Variants in PSD3 observed in about 807,000 individuals in gnomAD.
The protein encoded by PSD3 is PH and SEC7 domain-containing protein 3.
PSD3 carries 49 observed loss-of-function variants against 105.5 expected under a neutral mutation model. The ratio of observed to expected loss-of-function variants is 0.46; its 90% CI spans 0.37 to 0.59. The LOEUF is 0.59. Ranked by LOEUF, PSD3 falls within the 20% of genes least tolerant of loss-of-function variation. PSD3 has a pLI of 0.00. For synonymous variants in PSD3, 557 were observed against 457.8 expected (o/e 1.22, Z -2.77); for missense variants, 1,561 against 1,263.8 (o/e 1.24, Z -3.57).
intron 11 of PSD3, among the ~76,000 whole-genome samples, chr8:18,628,568 A>T (rs982149782): frequency 6.6e-6 from 1 of 152,102 alleles, no homozygotes; most frequent in East Asian, 1.9e-4. Context: ...GACAGCAGTT[A>T]TGTGGGGGTA....
intron 9 of PSD3, among the ~76,000 whole-genome samples, chr8:18,665,718 G>T (rs760955597): frequency 1.2e-3 from 178 of 152,262 alleles, no homozygotes; most frequent in Non-Finnish European, 2.0e-3. Context: ...TGTGGGTGGC[G>T]TGCATGCCAA....
At chr8:18,931,986 A>G (rs1236354120) in intron 2 of PSD3, among the ~76,000 whole-genome samples, 1 of 152,184 alleles carries the variant, frequency 6.6e-6, no homozygotes, top group African/African-American at 2.4e-5. Context: ...GGGCAAATTA[A>G]TTCATTCTCT....
At chr8:18,847,754 T>C (rs76540144) in intron 4 of PSD3, among the ~76,000 whole-genome samples, 9,094 of 152,236 alleles carry the variant, frequency 0.06, 335 homozygotes, top group African/African-American at 0.1. Flanking sequence ...CCCAGCACAA[T>C]GCTTTTCTGG....
Position 18,665,085 on chromosome 8 carries a change from C to T in PSD3, c.2173-9400G>A, listed in dbSNP as rs570938137. ...ATGCCTGCTAACACAACATCCATTC[C>T]GTAGACCATGGATCAAGAAGTGATT... is the stretch of plus-strand genomic sequence containing the variant. On this transcript the variant is annotated intron_variant, in intron 9 of 15. Coordinates refer to ENST00000327040, the MANE Select transcript of PSD3 (RefSeq NM_015310.4). 5.2e-3 allele frequency among the ~76,000 whole-genome samples: 797 copies of T among 152,278 alleles called. 5 individuals carry two copies. Among genetic ancestry groups the T allele is most frequent in the Non-Finnish European group, 8.9e-3 (607 of 68,014 alleles).
intron 1 of PSD3, among the ~76,000 whole-genome samples, chr8:18,969,669 G>A (rs1190863928): frequency 6.6e-6 from 1 of 152,098 alleles, no homozygotes; most frequent in Non-Finnish European, 1.5e-5. Flanking sequence ...TACTATATGG[G>A]ATGTTTCATA....
At chr8:18,677,827 G>A (rs570758114) in intron 9 of PSD3, among the ~76,000 whole-genome samples, 2 of 152,074 alleles carry the variant, frequency 1.3e-5, no homozygotes, top group South Asian at 2.1e-4. Context: ...TGGCTAACAC[G>A]GTGAAACCCC....
chr8:18,616,256 G>A (rs1805654849), intron 11 of PSD3, among the ~76,000 whole-genome samples: 1 of 152,212 alleles, frequency 6.6e-6, no homozygotes, highest in Admixed American at 6.5e-5. Context: ...GATGTCCAGT[G>A]CGTTCAAGTG....
chr8:19,007,271 AGAGT>A (rs1281341801), intron 1 of PSD3, among the ~76,000 whole-genome samples: 1 of 151,832 alleles, frequency 6.6e-6, no homozygotes, highest in African/African-American at 2.4e-5. Flanking sequence ...AAATAGAGAG[AGAGT>A]GAGAAATGAC....
At chr8:18,724,840 T>C (rs1803236606) in intron 9 of PSD3, among the ~76,000 whole-genome samples, 1 of 152,082 alleles carries the variant, frequency 6.6e-6, no homozygotes, top group African/African-American at 2.4e-5. Flanking sequence ...ACTAACAGTC[T>C]GCGTCCCTGG....
chr8:18,810,791 G>A (rs1002370675), intron 4 of PSD3, among the ~76,000 whole-genome samples: 2 of 152,126 alleles, frequency 1.3e-5, no homozygotes, highest in Non-Finnish European at 2.9e-5. Context: ...AAAGACCAGT[G>A]GGAACAACAT....
chr8:18,884,676 G>A (rs899897786), intron 2 of PSD3, among the ~76,000 whole-genome samples: 7 of 151,458 alleles, frequency 4.6e-5, no homozygotes, highest in Non-Finnish European at 7.4e-5. Flanking sequence ...AGCTTCTAAC[G>A]TGTGCACACG....
At chr8:18,928,704 C>G (rs528372968) in intron 2 of PSD3, among the ~76,000 whole-genome samples, 1 of 151,664 alleles carries the variant, frequency 6.6e-6, no homozygotes, top group Non-Finnish European at 1.5e-5. Flanking sequence ...TTTTATCTTT[C>G]TCTTTTTCTT....
At position 18,703,654 on chromosome 8, in the gene PSD3, G is replaced by T. The variant is rs1194733263; in HGVS notation, c.2173-47969C>A. Among the ~76,000 whole-genome samples the T allele has an allele frequency of 2.6e-5, 4 of 152,306 alleles. No homozygotes were observed. In the East Asian group the frequency reaches 5.8e-4, roughly 22 times the overall value. On this transcript the variant is annotated intron_variant, in intron 9 of 15. Coordinates refer to ENST00000327040, the MANE Select transcript of PSD3 (RefSeq NM_015310.4). ...AACTGACTTCCACAGAAGACTGGAT[G>T]ACTGCAGTACAATGGATGCTGTTAA... is the stretch of plus-strand genomic sequence containing the variant.
intron 11 of PSD3, among the ~76,000 whole-genome samples, chr8:18,620,225 G>A (rs1806005115): frequency 6.6e-6 from 1 of 152,042 alleles, no homozygotes; most frequent in Admixed American, 6.6e-5. Context: ...TGAACCAATG[G>A]ATACCTTTCA....
chr8:18,984,384 G>A (rs1352125545), intron 1 of PSD3, among the ~76,000 whole-genome samples: 1 of 151,636 alleles, frequency 6.6e-6, no homozygotes, highest in Non-Finnish European at 1.5e-5. Flanking sequence ...TTTACATTAT[G>A]GTACAAATTT....
chr8:18,711,963 T>A (rs549669777), intron 9 of PSD3, among the ~76,000 whole-genome samples: 1 of 152,154 alleles, frequency 6.6e-6, no homozygotes, highest in South Asian at 2.1e-4. Context: ...GAAATCAAGA[T>A]TAAGAAACCC....
intron 4 of PSD3, among the ~76,000 whole-genome samples, chr8:18,845,197 A>C (rs900079191): frequency 1.3e-5 from 2 of 152,232 alleles, no homozygotes; most frequent in African/African-American, 4.8e-5. Flanking sequence ...CTGTTACTCC[A>C]AGAAGCTGGC....
At chr8:18,978,956 G>A (rs1825102162) in intron 1 of PSD3, among the ~76,000 whole-genome samples, 1 of 152,090 alleles carries the variant, frequency 6.6e-6, no homozygotes. Context: ...AAGCAGTTCA[G>A]TCTCAAAGAA....
intron 1 of PSD3, among the ~76,000 whole-genome samples, chr8:18,973,552 C>G (rs1406557245): frequency 1.3e-5 from 2 of 152,118 alleles, no homozygotes; most frequent in Non-Finnish European, 2.9e-5. Context: ...CCTTATGACC[C>G]CATTTAACCT....
Sources: allele counts gnomAD v4.1 joint callset (sites outside exome capture counted in the v4.1 genomes callset), GRCh38; gene constraint gnomAD v4.1.1; transcripts MANE v1.5; gene names NCBI Gene and HGNC (gene_info 2026-07-23, HGNC 2026-07-21).